The following PCDHAC1 variants were observed in gnomAD, a reference collection of about 807,000 sequenced individuals.
PCDHAC1 encodes the protein protocadherin alpha-C1.
PCDHAC1 carries 42 observed loss-of-function variants against 60.0 expected under a neutral mutation model. That is an observed-to-expected ratio of 0.70 (90% CI 0.55 to 0.90). The LOEUF is 0.90. Ranked by LOEUF, PCDHAC1 falls within the 40% of genes least tolerant of loss-of-function variation. The pLI is 0.00. For synonymous variants in PCDHAC1, 468 were observed against 499.3 expected (o/e 0.94, Z 0.84); for missense variants, 1,160 against 1,222.3 (o/e 0.95, Z 0.76).
chr5:140,986,218 T>A (rs2153838096), intron 3 of PCDHAC1, among the ~76,000 whole-genome samples: 1 of 152,304 alleles, frequency 6.6e-6, no homozygotes, highest in Non-Finnish European at 1.5e-5. Flanking sequence ...GGCCCCTTTC[T>A]CTAGCCTCCC....
At chr5:140,965,371 T>C (rs1195667342) in intron 1 of PCDHAC1, among the ~76,000 whole-genome samples, 9 of 152,124 alleles carry the variant, frequency 5.9e-5, no homozygotes, top group African/African-American at 1.2e-4. Flanking sequence ...AAGAGGAAAC[T>C]TGGGGACACA....
At chr5:140,967,547 A>G (rs1554229662) in intron 1 of PCDHAC1, 1 of 1,613,890 alleles carries the variant, frequency 6.2e-7, no homozygotes, top group Non-Finnish European at 8.5e-7. Context: ...TGACCAGTCC[A>G]CTTATCGCGT....
chr5:140,957,983 AG>A (rs1554223250), intron 1 of PCDHAC1, among the ~76,000 whole-genome samples: 1 of 152,154 alleles, frequency 6.6e-6, no homozygotes, highest in Non-Finnish European at 1.5e-5. Flanking sequence ...AAATAGAATC[AG>A]TGCCAGATTT....
chr5:140,987,122 G>A (rs1054053197), intron 3 of PCDHAC1, among the ~76,000 whole-genome samples: 2 of 151,858 alleles, frequency 1.3e-5, no homozygotes, highest in African/African-American at 4.8e-5. Context: ...GCTGAGGCAG[G>A]AGAATTGCTT....
chr5:140,928,194 A>G lies in PCDHAC1; in HGVS notation c.1302A>G (p.Ser434=). ...GCACCCGAAGGACAATCACTGTGTC[A>G]GTTGCTGATGTGAATGACAATACAC... ...PLSTRRTITV[S]VADVNDNTPN... is the part of the protein sequence containing the mutation. The change falls in exon 1 of 4, where the codon TCA becomes TCG. Residue 434 remains serine, a synonymous_variant. Coordinates refer to ENST00000253807, the MANE Select transcript of PCDHAC1 (RefSeq NM_018898.5). The G allele has an allele frequency of 1.2e-6, 2 of 1,614,204 alleles. No individual in the cohort carries two copies. The highest frequency in any genetic ancestry group is 2.2e-5 in the East Asian group (1 of 44,878).
At chr5:140,967,972 G>A (rs781888174) in intron 1 of PCDHAC1, 88 of 1,614,072 alleles carry the variant, frequency 5.5e-5, no homozygotes, top group Non-Finnish European at 7.3e-5. Flanking sequence ...AAGTGAGCCT[G>A]GGTCTGGAGG....
Position 141,009,840 on chromosome 5 carries a change from A to T in PCDHAC1, c.2795A>T (p.Lys932Met), listed in dbSNP as rs782270689. 1 of 1,614,186 alleles carries T rather than the reference A, an allele frequency of 6.2e-7. No individual in the cohort carries two copies. The highest frequency in any genetic ancestry group is 1.7e-5 in the Admixed American group (1 of 60,024). The change falls in exon 4 of 4, where the codon AAG (lysine) becomes ATG (methionine). Residue 932 changes from lysine (K) to methionine (M), a missense_variant. Lys to Met is a moderately conservative substitution (Grantham distance 95). Around this residue, in one of 3 missense-constraint regions of PCDHAC1, gnomAD observed 1,113 missense variants for 1,163.7 expected, o/e 0.96. Coordinates refer to ENST00000253807, the MANE Select transcript of PCDHAC1 (RefSeq NM_018898.5). ...AGTGACTTCATAACCTTCGGCAAAA[A>T]GGAGGAGACCAAGAAAAAGAAGAAA... Reference protein sequence around the residue: ...DKSDFITFGKKEETKKKKKKK... With the variant: ...DKSDFITFGKMEETKKKKKKK...
In PCDHAC1 at chr5:141,009,984, G is replaced by A. The variant is rs782207623; in HGVS notation, c.*47G>A. 6.3e-7 allele frequency: 1 copy of A among 1,581,532 alleles called. No homozygotes were observed. Among genetic ancestry groups the A allele is most frequent in the Admixed American group, 1.9e-5 (1 of 53,968 alleles). On this transcript the variant is annotated 3_prime_UTR_variant, in exon 4 of 4. Transcript: ENST00000253807. ...CACTTAGCCAGTTTTTGTAATAATG[G>A]CAAATCTCTCCCATGTAGCAATTCC... is the stretch of plus-strand genomic sequence containing the variant.
At chr5:140,930,403 T>A (rs1337428261) in intron 1 of PCDHAC1, 6 of 152,200 alleles carry the variant, frequency 3.9e-5, no homozygotes, top group African/African-American at 1.2e-4. Context: ...CTTTTTTTTT[T>A]TTGAGACAGG....
At chr5:140,998,585 A>C (rs1227951754) in intron 3 of PCDHAC1, among the ~76,000 whole-genome samples, 1 of 148,644 alleles carries the variant, frequency 6.7e-6, no homozygotes, top group Non-Finnish European at 1.5e-5. Context: ...TTTTTTTGAG[A>C]CAGAGTTTTG....
chr5:141,004,632 GA>G (rs1401867459), intron 3 of PCDHAC1, among the ~76,000 whole-genome samples: 19 of 152,200 alleles, frequency 1.2e-4, no homozygotes, highest in African/African-American at 3.4e-4. Context: ...TATGGTTGAA[GA>G]AAAATTTCCA....
chr5:140,947,103 G>A (rs1355984234), intron 1 of PCDHAC1, among the ~76,000 whole-genome samples: 1 of 151,176 alleles, frequency 6.6e-6, no homozygotes, highest in Admixed American at 6.6e-5. Flanking sequence ...CCATAAATAG[G>A]TACGTGTCAA....
rs2098419434 is a variant in PCDHAC1, at chr5:141,011,100, CT to C, written c.*1164del. ...AAATGATCTCTCTTTCTCTCTCTCT[CT>C]CTCTTTTCTAAGAAACAATTATGTG... On this transcript the variant is annotated 3_prime_UTR_variant, in exon 4 of 4. Coordinates refer to ENST00000253807, the MANE Select transcript of PCDHAC1 (RefSeq NM_018898.5). The C allele has an allele frequency of 1.3e-5, 2 of 153,772 alleles. No individual in the cohort carries two copies. Among genetic ancestry groups the C allele is most frequent in the Admixed American group, 6.5e-5 (1 of 15,290 alleles). The allele number at this position is 153,772 out of a possible 1,614,324, so 9.5% of individuals were successfully genotyped here.
rs1554262487 is a variant in PCDHAC1, at chr5:141,009,847, G to T, written c.2802G>T (p.Glu934Asp). ...TCATAACCTTCGGCAAAAAGGAGGA[G>T]ACCAAGAAAAAGAAGAAAAAGAAGA... ...SDFITFGKKE[E>D]TKKKKKKKKG... Residue 934 changes from glutamate (E) to aspartate (D), a missense_variant, in exon 4 of 4, where the codon GAG (glutamate) becomes GAT (aspartate). Glu to Asp is a conservative substitution (Grantham distance 45). Coordinates refer to ENST00000253807, the MANE Select transcript of PCDHAC1 (RefSeq NM_018898.5). 1 of 1,613,870 alleles carries T rather than the reference G, an allele frequency of 6.2e-7. No homozygotes were observed. Among genetic ancestry groups the T allele is most frequent in the Non-Finnish European group, 8.5e-7 (1 of 1,180,010 alleles).
At chr5:140,929,390 T>C in intron 1 of PCDHAC1, 65 bp downstream of exon 1, 1 of 1,511,570 alleles carries the variant, frequency 6.6e-7, no homozygotes, top group Non-Finnish European at 8.8e-7. Flanking sequence ...TGTTTTGAAA[T>C]ATTTCTTAGA....
chr5:140,995,788 T>C (rs1327222255), intron 3 of PCDHAC1, among the ~76,000 whole-genome samples: 1 of 152,154 alleles, frequency 6.6e-6, no homozygotes, highest in Non-Finnish European at 1.5e-5. Context: ...GGTTTAAAAT[T>C]TGTCTCATGT....
rs782250969 is a variant in PCDHAC1, at chr5:140,928,959, T to C, written c.2067T>C (p.Ala689=). Residue 689 remains alanine, a synonymous_variant, in exon 1 of 4, where the codon GCT becomes GCC. Coordinates refer to ENST00000253807, the MANE Select transcript of PCDHAC1 (RefSeq NM_018898.5). ...ACTTGTATTTAGTAATTGCCTTGGC[T>C]TGTATTTCCTTTTTATTTCTGGGGT... is the stretch of plus-strand genomic sequence containing the variant. The part of the protein sequence containing the change: ...AQNLYLVIAL[A]CISFLFLGCL... 1 of 1,613,980 alleles carries C rather than the reference T, an allele frequency of 6.2e-7. No individual in the cohort carries two copies. The highest frequency in any genetic ancestry group is 1.1e-5 in the South Asian group (1 of 91,088).
At chr5:140,958,397 A>T (rs1306610051) in intron 1 of PCDHAC1, among the ~76,000 whole-genome samples, 3 of 152,172 alleles carry the variant, frequency 2.0e-5, no homozygotes, top group African/African-American at 7.2e-5. Flanking sequence ...GTCATCAAAC[A>T]TTATCACTGA....
chr5:141,011,122 A>G lies in PCDHAC1; in HGVS notation c.*1185A>G, dbSNP rs1554263297. On this transcript the variant is annotated 3_prime_UTR_variant, in exon 4 of 4. Transcript: ENST00000253807. ...TCTCTCTCTTTTCTAAGAAACAATT[A>G]TGTGCACTTTGATACACAACCTTCT... 1 of 153,686 alleles carries G rather than the reference A, an allele frequency of 6.5e-6. No homozygotes were observed. Among genetic ancestry groups the G allele is most frequent in the Non-Finnish European group, 1.5e-5 (1 of 68,034 alleles). 9.5% of individuals were successfully genotyped at this position (153,686 alleles called of 1,614,324 possible).
Sources: gnomAD v4.1 joint callset for allele counts (sites outside exome capture counted in the v4.1 genomes callset) on GRCh38, gnomAD v4.1.1 for gene constraint, gnomAD v4.1.1 regional missense constraint, MANE v1.5 for transcripts, NCBI Gene and HGNC (gene_info 2026-07-23, HGNC 2026-07-21) for gene names.